The following SH3RF3 variants were observed in gnomAD, a reference collection of about 807,000 sequenced individuals.
SH3RF3 encodes the protein SH3 domain containing ring finger 3.
Under a neutral mutation model 66.3 loss-of-function variants are expected in SH3RF3, and 29 were observed. The observed-to-expected ratio is 0.44, with a 90% CI of 0.33 to 0.60. The LOEUF is 0.60. Ranked by LOEUF, SH3RF3 falls within the 20% of genes least tolerant of loss-of-function variation. The probability of loss-of-function intolerance (pLI) is 0.04; values close to 1 mark genes in which losing one functional copy is unlikely to be tolerated. For synonymous variants in SH3RF3, 583 were observed against 532.0 expected (o/e 1.10, Z -1.32); for missense variants, 1,194 against 1,190.9 (o/e 1.00, Z -0.04).
intron 9 of SH3RF3, 73 bp from the exon 10 acceptor site, chr2:109,501,430 G>A (rs1679381784): frequency 1.5e-6 from 1 of 670,644 alleles, no homozygotes. Context: ...TTACACCGAG[G>A]GAAGAAGAGA....
At chr2:109,393,269 C>T (rs1676051449) in intron 3 of SH3RF3, among the ~76,000 whole-genome samples, 1 of 152,220 alleles carries the variant, frequency 6.6e-6, no homozygotes. Flanking sequence ...TGAGTCTGGT[C>T]CATGGAGGGT....
At chr2:109,160,302 C>G (rs1007244197) in intron 1 of SH3RF3, among the ~76,000 whole-genome samples, 1 of 152,150 alleles carries the variant, frequency 6.6e-6, no homozygotes, top group African/African-American at 2.4e-5. Flanking sequence ...ACAGAGGAGG[C>G]CAGAGAGGGC....
intron 2 of SH3RF3, among the ~76,000 whole-genome samples, chr2:109,367,119 A>AGTTT (rs1683165020): frequency 8.8e-6 from 1 of 113,292 alleles, no homozygotes; most frequent in Non-Finnish European, 1.8e-5. Context: ...TGCCCTGGTA[A>AGTTT]TTTTTTTTTT....
At chr2:109,494,395 C>T (rs1428961576) in intron 9 of SH3RF3, among the ~76,000 whole-genome samples, 1 of 152,180 alleles carries the variant, frequency 6.6e-6, no homozygotes, top group Non-Finnish European at 1.5e-5. Flanking sequence ...GAAGTGCCCC[C>T]TCCCCTCAAC....
chr2:109,414,455 T>C (rs1477737753), intron 4 of SH3RF3, among the ~76,000 whole-genome samples: 1 of 152,186 alleles, frequency 6.6e-6, no homozygotes, highest in Non-Finnish European at 1.5e-5. Context: ...ACCTGGCCCC[T>C]GTTACCATCA....
chr2:109,382,510 A>G (rs1461532551), intron 3 of SH3RF3, among the ~76,000 whole-genome samples: 1 of 152,088 alleles, frequency 6.6e-6, no homozygotes, highest in Non-Finnish European at 1.5e-5. Context: ...CACTTAGCAC[A>G]TGCCCTTCCG....
At position 109,129,641 on chromosome 2, in the gene SH3RF3, G is replaced by C; in HGVS notation, c.101G>C (p.Arg34Pro). 2 of 1,497,904 alleles carry C rather than the reference G, an allele frequency of 1.3e-6. No individual in the cohort carries two copies. The highest frequency in any genetic ancestry group is 1.8e-6 in the Non-Finnish European group (2 of 1,131,662). The allele number at this position is 1,497,904 out of a possible 1,614,324, so 92.8% of individuals were successfully genotyped here. A position where few individuals can be genotyped will look rare whatever the true frequency, so the allele number is the denominator to read the frequency against. Reference protein sequence around the residue: ...EDRPGERRRRRAAATAAGAGE... With the variant: ...EDRPGERRRRPAAATAAGAGE... ...AGGCCAGGCGAGCGACGGCGGCGTCGGGCGGCGGCCACCGCCGCGGGGGCG... is the reference window on the plus strand; with the variant it reads ...AGGCCAGGCGAGCGACGGCGGCGTCCGGCGGCGGCCACCGCCGCGGGGGCG... Residue 34 changes from arginine to proline, a missense_variant, in exon 1 of 10, where the codon CGG (arginine) becomes CCG (proline). Transcript: ENST00000309415.
chr2:109,332,077 G>A (rs927240373), intron 1 of SH3RF3, among the ~76,000 whole-genome samples: 2 of 152,180 alleles, frequency 1.3e-5, no homozygotes, highest in African/African-American at 4.8e-5. Context: ...GCATGTGTTT[G>A]CCAGTCTTTT....
chr2:109,432,603 C>T lies in SH3RF3; in HGVS notation c.1506C>T (p.Phe502=). ...RVLEKCQDGW[F]KGASLRTGVS... ...TCGAGAAGTGTCAGGATGGCTGGTT[C>T]AAGGGGGCGTCTCTGAGGACCGGGG... Residue 502 remains phenylalanine, a synonymous_variant, in exon 6 of 10, where the codon TTC becomes TTT. Coordinates refer to ENST00000309415, the MANE Select transcript of SH3RF3 (RefSeq NM_001099289.3). 1 of 1,613,394 alleles carries T rather than the reference C, an allele frequency of 6.2e-7. No homozygotes were observed. Among genetic ancestry groups the T allele is most frequent in the Non-Finnish European group, 8.5e-7 (1 of 1,179,684 alleles).
At chr2:109,142,857 T>C (rs939130675) in intron 1 of SH3RF3, among the ~76,000 whole-genome samples, 4 of 152,148 alleles carry the variant, frequency 2.6e-5, no homozygotes, top group Non-Finnish European at 5.9e-5. Flanking sequence ...CTCTCTAAAC[T>C]TAAGTGGGAA....
At chr2:109,228,894 T>C (rs1255696195) in intron 1 of SH3RF3, among the ~76,000 whole-genome samples, 1 of 152,150 alleles carries the variant, frequency 6.6e-6, no homozygotes, top group East Asian at 1.9e-4. Flanking sequence ...ATCAACACAA[T>C]ATCCAGCCCC....
intron 1 of SH3RF3, among the ~76,000 whole-genome samples, chr2:109,136,025 A>G (rs1047335634): frequency 2.0e-5 from 3 of 152,188 alleles, no homozygotes; most frequent in Non-Finnish European, 4.4e-5. Flanking sequence ...ACAGCTGCCT[A>G]GAATCAGGCT....
intron 3 of SH3RF3, among the ~76,000 whole-genome samples, chr2:109,397,697 C>T (rs564813043): frequency 7.9e-5 from 12 of 152,314 alleles, no homozygotes; most frequent in Non-Finnish European, 1.3e-4. Flanking sequence ...GTGTAATTCA[C>T]GGACCTTCCC....
intron 3 of SH3RF3, among the ~76,000 whole-genome samples, chr2:109,374,480 G>A (rs963166354): frequency 2.6e-5 from 4 of 152,206 alleles, no homozygotes; most frequent in African/African-American, 9.6e-5. Context: ...GGCCCAAACT[G>A]CTTCCCTCTG....
At chr2:109,146,881 T>TCCCCC (rs1325774239) in intron 1 of SH3RF3, among the ~76,000 whole-genome samples, 1 of 7,810 alleles carries the variant, frequency 1.3e-4, no homozygotes, top group Non-Finnish European at 2.1e-4. Flanking sequence ...TCTTCTTTTT[T>TCCCCC]CCCTCCCCCC....
rs762392782 is a variant in SH3RF3 at position 109,449,308 on chromosome 2, C to T, written c.1967C>T (p.Pro656Leu). Residue 656 changes from proline (P) to leucine (L), a missense_variant, in exon 8 of 10, where the codon CCC becomes CTC. By Grantham distance (98) the Pro-to-Leu change is moderately conservative. Transcript: ENST00000309415. ...SVVSPQHSHQPPVQMCPRPAI... is the reference protein window; with the variant it reads ...SVVSPQHSHQLPVQMCPRPAI... ...GTGTCCCCGCAGCACAGCCACCAGC[C>T]CCCGGTGCAGATGTGCCCACGGCCG... 1.9e-6 allele frequency: 3 copies of T among 1,608,150 alleles called. No homozygotes were observed. The highest frequency in any genetic ancestry group is 2.7e-5 in the African/African-American group (2 of 74,828).
chr2:109,333,757 C>A (rs1682340539), intron 1 of SH3RF3, among the ~76,000 whole-genome samples: 1 of 152,160 alleles, frequency 6.6e-6, no homozygotes, highest in African/African-American at 2.4e-5. Context: ...GGCAGCATGA[C>A]CTTGAACATG....
At chr2:109,143,006 C>T (rs1676993634) in intron 1 of SH3RF3, among the ~76,000 whole-genome samples, 1 of 152,004 alleles carries the variant, frequency 6.6e-6, no homozygotes, top group African/African-American at 2.4e-5. Flanking sequence ...TGTGATTTGG[C>T]ACTAGAGATG....
intron 1 of SH3RF3, among the ~76,000 whole-genome samples, chr2:109,266,352 A>C (rs1489819748): frequency 6.6e-6 from 1 of 151,694 alleles, no homozygotes; most frequent in Non-Finnish European, 1.5e-5. Context: ...GTATGTATAC[A>C]CAGGATCCAC....
Sources: allele counts gnomAD v4.1 joint callset (sites outside exome capture counted in the v4.1 genomes callset), GRCh38; gene constraint gnomAD v4.1.1; transcripts MANE v1.5; gene names NCBI Gene and HGNC (gene_info 2026-07-23, HGNC 2026-07-21).